The following ALMS1 variants were observed in gnomAD, a reference collection of about 807,000 sequenced individuals.
The protein encoded by ALMS1 is ALMS1 centrosome and basal body associated protein.
In ALMS1, 271 loss-of-function variants were observed where a neutral mutation model predicts 352.2. The ratio of observed to expected loss-of-function variants is 0.77; its 90% CI spans 0.70 to 0.85. The LOEUF (loss-of-function observed/expected upper bound fraction) is 0.85, where lower values mean the gene tolerates loss of function less well. ALMS1 is among the 40% of genes least tolerant of loss of function. ALMS1 has a pLI of 0.00. For missense variants in ALMS1, 5,445 were observed against 4,870.7 expected (o/e 1.12, Z -3.51); for synonymous variants, 1,865 against 1,761.2 (o/e 1.06, Z -1.48).
At chr2:73,564,516 G>T (rs1428408728) in intron 15 of ALMS1, among the ~76,000 whole-genome samples, 2 of 148,480 alleles carry the variant, frequency 1.3e-5, no homozygotes, top group African/African-American at 4.9e-5. Context: ...GATTTTTACT[G>T]TATTCACAGA....
chr2:73,536,679 T>G (rs1275048052), intron 12 of ALMS1, among the ~76,000 whole-genome samples: 1 of 152,118 alleles, frequency 6.6e-6, no homozygotes, highest in Non-Finnish European at 1.5e-5. Context: ...AAGACATACA[T>G]CATTGTTAGC....
chr2:73,525,236 G>T (rs1390192190), intron 11 of ALMS1, among the ~76,000 whole-genome samples: 2 of 152,134 alleles, frequency 1.3e-5, no homozygotes, highest in Non-Finnish European at 2.9e-5. Flanking sequence ...CAATAAACAT[G>T]GGGTGCAGAT....
chr2:73,596,156 T>G (rs1675541854), intron 16 of ALMS1, among the ~76,000 whole-genome samples: 2 of 152,268 alleles, frequency 1.3e-5, no homozygotes, highest in African/African-American at 4.8e-5. Flanking sequence ...TGGATTGTAC[T>G]TGGGGTGTTA....
At chr2:73,504,426 G>GGGA (rs1673279065) in intron 10 of ALMS1, among the ~76,000 whole-genome samples, 1 of 152,150 alleles carries the variant, frequency 6.6e-6, no homozygotes, top group African/African-American at 2.4e-5. Context: ...CCTCAAGCCA[G>GGGA]CCTTCTTTAA....
At position 73,450,845 on chromosome 2, in the gene ALMS1, C is replaced by A. The variant is rs1208636696; in HGVS notation, c.4318C>A (p.Gln1440Lys). Residue 1440 changes from glutamine (Q) to lysine (K), a missense_variant, in exon 8 of 23, where the codon CAA becomes AAA. Gln to Lys is a moderately conservative substitution (Grantham distance 53). Coordinates refer to ENST00000613296, the MANE Select transcript of ALMS1 (RefSeq NM_001378454.1). ...CACAGAGAAGCCTGGTAGTTTCTAC[C>A]AACAGGTCTTGCCACATAGTCATCT... ...SHTEKPGSFYQQVLPHSHLPE... is the reference protein window; with the variant it reads ...SHTEKPGSFYKQVLPHSHLPE... 3 of 1,613,978 alleles carry A rather than the reference C, an allele frequency of 1.9e-6. No individual in the cohort carries two copies. Among genetic ancestry groups the A allele is most frequent in the Non-Finnish European group, 2.5e-6 (3 of 1,179,982 alleles).
chr2:73,552,549 C>T (rs1204528429), intron 13 of ALMS1, among the ~76,000 whole-genome samples: 1 of 152,186 alleles, frequency 6.6e-6, no homozygotes, highest in Non-Finnish European at 1.5e-5. Context: ...CACTCCCAGG[C>T]TTCATTTGGT....
intron 9 of ALMS1, among the ~76,000 whole-genome samples, chr2:73,489,026 T>G (rs527888749): frequency 8.5e-5 from 13 of 152,338 alleles, no homozygotes; most frequent in Non-Finnish European, 1.5e-4. Context: ...GCTCTGTTCC[T>G]TGATGTCATC....
Position 73,449,986 on chromosome 2 carries a change from T to A in ALMS1, c.3459T>A (p.Ile1153=). ...CACAACATAGAGAAAAGCCCAGCATTTTCCACCAGCAGGCCTTGCCAGGTA... is the reference window on the plus strand; with the variant it reads ...CACAACATAGAGAAAAGCCCAGCATATTCCACCAGCAGGCCTTGCCAGGTA... ...SYSQHREKPS[I]FHQQALPGTH... is the part of the protein sequence containing the mutation. Residue 1153 remains isoleucine, a synonymous_variant, in exon 8 of 23, where the codon ATT becomes ATA. Coordinates refer to ENST00000613296, the MANE Select transcript of ALMS1 (RefSeq NM_001378454.1). 3 of 1,613,744 alleles carry A rather than the reference T, an allele frequency of 1.9e-6. No homozygotes were observed. The highest frequency in any genetic ancestry group is 2.5e-6 in the Non-Finnish European group (3 of 1,179,874).
At chr2:73,440,292 G>T (rs1416875495) in intron 7 of ALMS1, among the ~76,000 whole-genome samples, 1 of 151,948 alleles carries the variant, frequency 6.6e-6, no homozygotes, top group Non-Finnish European at 1.5e-5. Context: ...CCTTGGTGTG[G>T]ATTTCTTTGG....
intron 12 of ALMS1, among the ~76,000 whole-genome samples, chr2:73,548,478 A>C (rs1674364931): frequency 3.9e-5 from 6 of 152,106 alleles, no homozygotes; most frequent in Admixed American, 3.9e-4. Flanking sequence ...GCTCTCAGGG[A>C]TGTAATTGTT....
Position 73,408,744 on chromosome 2 carries a change from T to A in ALMS1, c.447T>A (p.Asp149Glu), listed in dbSNP as rs765038770. 6.2e-7 allele frequency: 1 copy of A among 1,612,700 alleles called. No homozygotes were observed. Among genetic ancestry groups the A allele is most frequent in the South Asian group, 1.1e-5 (1 of 91,046 alleles). The stretch of plus-strand genomic sequence containing the variant: ...CAGCTCAGCGGGGTTCTGGGGATGA[T>A]CAGGTATGTCTTCTGTAACTGGCTA... ...ETTAQRGSGD[D>E]QKTESWHCLP... Residue 149 changes from aspartate to glutamate, a missense_variant, in exon 2 of 23, where the codon GAT (aspartate) becomes GAA (glutamate). Physicochemically the swap from Asp to Glu is conservative, Grantham distance 45. Coordinates refer to ENST00000613296, the MANE Select transcript of ALMS1 (RefSeq NM_001378454.1).
At chr2:73,426,689 C>G in intron 6 of ALMS1, 136 bp downstream of exon 6, 1 of 858,452 alleles carries the variant, frequency 1.2e-6, no homozygotes, top group Non-Finnish European at 1.9e-6. Flanking sequence ...CTGGTGAGTA[C>G]ATTGAGCTAG....
At chr2:73,418,776 C>T (rs1369664899) in intron 2 of ALMS1, among the ~76,000 whole-genome samples, 4 of 152,158 alleles carry the variant, frequency 2.6e-5, no homozygotes, top group African/African-American at 9.7e-5. Context: ...AACACATGTG[C>T]CATAATATAC....
At chr2:73,587,047 G>A (rs1675328880) in intron 16 of ALMS1, among the ~76,000 whole-genome samples, 1 of 152,062 alleles carries the variant, frequency 6.6e-6, no homozygotes, top group Admixed American at 6.6e-5. Context: ...TGTTGTAAAA[G>A]GGATTGAGTT....
At chr2:73,399,860 A>C (rs1299187286) in intron 1 of ALMS1, among the ~76,000 whole-genome samples, 3 of 151,292 alleles carry the variant, frequency 2.0e-5, no homozygotes, top group Admixed American at 2.0e-4. Flanking sequence ...AGGTTGTCAA[A>C]TGTTTTTTCT....
At position 73,607,789 on chromosome 2, in the gene ALMS1, A is replaced by C. The variant is rs1573060766; in HGVS notation, c.12363-686A>C. 2.7e-5 allele frequency among the ~76,000 whole-genome samples: 4 copies of C among 148,948 alleles called. No individual in the cohort carries two copies. The South Asian group carries it at 8.5e-4, about 32-fold the overall frequency. ...CTCCTGAGTAGCTGAGATTACAGGC[A>C]TCTGCCACCATGCCCACCTAATTTT... On this transcript the variant is annotated intron_variant, in intron 21 of 22. Transcript: ENST00000613296.
chr2:73,503,897 T>C (rs1475005617), intron 10 of ALMS1, among the ~76,000 whole-genome samples: 1 of 152,168 alleles, frequency 6.6e-6, no homozygotes, highest in Non-Finnish European at 1.5e-5. Context: ...CAAGATACTC[T>C]TTTCCCTTTT....
chr2:73,539,295 A>T, intron 12 of ALMS1, among the ~76,000 whole-genome samples: 1 of 152,202 alleles, frequency 6.6e-6, no homozygotes, highest in Non-Finnish European at 1.5e-5. Flanking sequence ...GACCTCCAGC[A>T]AACTCCAACA....
intron 7 of ALMS1, among the ~76,000 whole-genome samples, chr2:73,442,881 G>C (rs1467528976): frequency 6.6e-6 from 1 of 152,100 alleles, no homozygotes; most frequent in Non-Finnish European, 1.5e-5. Flanking sequence ...TGTCCCATAG[G>C]TATCTTAATG....
Sources: gnomAD v4.1 joint callset for allele counts (sites outside exome capture counted in the v4.1 genomes callset) on GRCh38, gnomAD v4.1.1 for gene constraint, MANE v1.5 for transcripts, NCBI Gene and HGNC (gene_info 2026-07-23, HGNC 2026-07-21) for gene names.